KHDRBS2: variants seen among roughly 807,000 people sequenced by gnomAD.
KHDRBS2 encodes KH domain-containing, RNA-binding, signal transduction-associated protein 2.
Under a neutral mutation model 44.3 loss-of-function variants are expected in KHDRBS2, and 26 were observed. That is an observed-to-expected ratio of 0.59 (90% CI 0.43 to 0.81). The LOEUF (loss-of-function observed/expected upper bound fraction) is 0.81. KHDRBS2 is among the 40% of genes least tolerant of loss of function. The pLI is 0.00. For synonymous variants in KHDRBS2, 194 were observed against 151.1 expected, an observed-to-expected ratio of 1.28 and a Z score of -2.08; for missense variants, 476 against 433.1, an observed-to-expected ratio of 1.10 and a Z score of -0.88.
chr6:62,011,706 T>A (rs189516295), intron 3 of KHDRBS2, among the ~76,000 whole-genome samples: 43 of 152,316 alleles, frequency 2.8e-4, no homozygotes, highest in African/African-American at 9.1e-4. Flanking sequence ...GTAGTTTTTT[T>A]ATGATTTTTG....
the KHDRBS2 span, chr6:61,574,249 A>G: frequency 3.2e-6 from 3 of 939,414 alleles, no homozygotes; most frequent in South Asian, 1.4e-5. Context: ...CTGCCCAGTG[A>G]CATATGTTTA....
chr6:61,871,919 A>G (rs1308891203), intron 6 of KHDRBS2, among the ~76,000 whole-genome samples: 2 of 142,370 alleles, frequency 1.4e-5, no homozygotes, highest in African/African-American at 5.1e-5. Flanking sequence ...CAGGGATGGG[A>G]ACATCACACA....
At chr6:61,739,003 G>T (rs1437697965) in intron 6 of KHDRBS2, among the ~76,000 whole-genome samples, 1 of 151,542 alleles carries the variant, frequency 6.6e-6, no homozygotes, top group African/African-American at 2.4e-5. Context: ...CTTAATAATT[G>T]CCTCTCCAAA....
chr6:61,923,550 T>C (rs1322698798), intron 4 of KHDRBS2, among the ~76,000 whole-genome samples: 1 of 151,152 alleles, frequency 6.6e-6, no homozygotes, highest in African/African-American at 2.5e-5. Flanking sequence ...TAATTTATCA[T>C]AATGACAAAT....
Position 62,166,254 on chromosome 6 carries a change from G to A in KHDRBS2, c.219+10931C>T, listed in dbSNP as rs115368512. Among the ~76,000 whole-genome samples, 488 of 151,632 alleles carry A rather than the reference G, an allele frequency of 3.2e-3. 4 individuals are homozygous for A. The highest frequency in any genetic ancestry group is 0.011 in the African/African-American group (449 of 41,348). ...GATATTTGGGCTGTTTTTATCTTTC[G>A]GCTATTGTGAATAATACCTCTATGA... On this transcript the variant is annotated intron_variant, in intron 2 of 8. Coordinates refer to ENST00000281156, the MANE Select transcript of KHDRBS2 (RefSeq NM_152688.4).
chr6:62,249,860 C>T (rs1836236053), intron 1 of KHDRBS2, among the ~76,000 whole-genome samples: 1 of 151,970 alleles, frequency 6.6e-6, no homozygotes, highest in Admixed American at 6.6e-5. Flanking sequence ...AAAAACCTTG[C>T]TTTAAATAAC....
In KHDRBS2 at chr6:61,889,918, T is replaced by C. The variant is rs1264658851; in HGVS notation, c.810+4717A>G. On this transcript the variant is annotated intron_variant, in intron 6 of 8. Transcript: ENST00000281156. ...AGTTTCCTCTACCAGGGATATTGTT[T>C]ACAGAAGCAGCCAATTGGCCAAGAC... Among the ~76,000 whole-genome samples the C allele has an allele frequency of 6.6e-5, 10 of 152,278 alleles. No individual in the cohort carries two copies. The South Asian group carries it at 1.9e-3, about 28-fold the overall frequency.
intron 2 of KHDRBS2, among the ~76,000 whole-genome samples, chr6:62,165,171 T>A (rs1562983848): frequency 1.3e-5 from 2 of 151,694 alleles, no homozygotes; most frequent in Non-Finnish European, 2.9e-5. Flanking sequence ...GTCATTTCAA[T>A]CTTTTTTTGG....
intron 6 of KHDRBS2, among the ~76,000 whole-genome samples, chr6:61,879,593 C>T (rs1386597253): frequency 6.6e-6 from 1 of 151,870 alleles, no homozygotes; most frequent in Non-Finnish European, 1.5e-5. Context: ...TCCTTCATTG[C>T]CTCTGCCTGT....
At chr6:62,271,669 G>C (rs1308779952) in intron 1 of KHDRBS2, among the ~76,000 whole-genome samples, 1 of 151,882 alleles carries the variant, frequency 6.6e-6, no homozygotes, top group Non-Finnish European at 1.5e-5. Context: ...TGATGATCCT[G>C]ATCTTGTATA....
intron 1 of KHDRBS2, among the ~76,000 whole-genome samples, chr6:62,215,653 T>C (rs1356686991): frequency 2.0e-5 from 3 of 151,906 alleles, no homozygotes; most frequent in African/African-American, 7.2e-5. Context: ...TTTATGTATC[T>C]TCCCATAATC....
At chr6:62,139,426 A>G (rs1387331901) in intron 2 of KHDRBS2, among the ~76,000 whole-genome samples, 4 of 151,684 alleles carry the variant, frequency 2.6e-5, no homozygotes, top group Non-Finnish European at 5.9e-5. Flanking sequence ...GGTGGCGGGC[A>G]CCTGTAGTCC....
At chr6:61,684,432 A>G (rs1766611608) in intron 8 of KHDRBS2, among the ~76,000 whole-genome samples, 1 of 151,832 alleles carries the variant, frequency 6.6e-6, no homozygotes, top group Admixed American at 6.6e-5. Flanking sequence ...TTGAAGTTGT[A>G]AAGACCCACG....
chr6:61,807,926 A>G (rs1208581658), intron 6 of KHDRBS2, among the ~76,000 whole-genome samples: 2 of 152,142 alleles, frequency 1.3e-5, no homozygotes, highest in Non-Finnish European at 2.9e-5. Flanking sequence ...CAATCCAGCC[A>G]TAAGACTCAC....
At chr6:61,647,646 G>C in the KHDRBS2 span, among the ~76,000 whole-genome samples, 1 of 152,070 alleles carries the variant, frequency 6.6e-6, no homozygotes, top group Non-Finnish European at 1.5e-5. Context: ...TATACAAAAA[G>C]TTTTCATTTA....
At chr6:61,554,747 T>G in the KHDRBS2 span, among the ~76,000 whole-genome samples, 1 of 152,202 alleles carries the variant, frequency 6.6e-6, no homozygotes, top group Non-Finnish European at 1.5e-5. Flanking sequence ...AAAAACATTT[T>G]ATTTCTTCTT....
intron 1 of KHDRBS2, among the ~76,000 whole-genome samples, chr6:62,211,639 C>T (rs1389249787): frequency 3.3e-5 from 5 of 152,018 alleles, no homozygotes; most frequent in African/African-American, 1.2e-4. Flanking sequence ...TTCAGGAATA[C>T]ATGTGCAGGT....
At chr6:61,894,903 T>G (rs1333703239) in intron 5 of KHDRBS2, 70 bp from the exon 6 acceptor site, 1 of 1,049,032 alleles carries the variant, frequency 9.5e-7, no homozygotes, top group Non-Finnish European at 1.4e-6. Context: ...CAGAAAAAGT[T>G]TTCATCTCAC....
At chr6:61,789,623 C>CA (rs750118684) in intron 6 of KHDRBS2, among the ~76,000 whole-genome samples, 1 of 151,256 alleles carries the variant, frequency 6.6e-6, no homozygotes, top group African/African-American at 2.4e-5. Context: ...TTTTGACACA[C>CA]AAAAAACAGG....
Sources: gnomAD v4.1 joint callset for allele counts (sites outside exome capture counted in the v4.1 genomes callset) on GRCh38, gnomAD v4.1.1 for gene constraint, MANE v1.5 for transcripts, NCBI Gene and HGNC (gene_info 2026-07-23, HGNC 2026-07-21) for gene names.